The following MEGF10 variants were observed in gnomAD, a reference collection of about 807,000 sequenced individuals.
MEGF10 encodes multiple EGF like domains 10.
MEGF10 carries 86 observed loss-of-function variants against 147.5 expected under a neutral mutation model. The ratio of observed to expected loss-of-function variants is 0.58; its 90% CI spans 0.49 to 0.70. The LOEUF (loss-of-function observed/expected upper bound fraction) is 0.70, where lower values mean the gene tolerates loss of function less well. MEGF10 is among the 30% of genes least tolerant of loss of function. The pLI is 0.00. For synonymous variants in MEGF10, 478 were observed against 525.5 expected (o/e 0.91, Z 1.24); for missense variants, 1,329 against 1,487.3 (o/e 0.89, Z 1.75).
chr5:127,341,624 CAG>C (rs1444362107), intron 4 of MEGF10, among the ~76,000 whole-genome samples: 1 of 152,066 alleles, frequency 6.6e-6, no homozygotes, highest in East Asian at 1.9e-4. Context: ...TGTATGCAGA[CAG>C]GGGCAGCTCC....
intron 5 of MEGF10, among the ~76,000 whole-genome samples, chr5:127,394,599 A>G (rs576799681): frequency 5.9e-4 from 90 of 152,284 alleles, no homozygotes; most frequent in Non-Finnish European, 8.4e-4. Context: ...AAAGGGACAT[A>G]TCATGTAATT....
In MEGF10 at chr5:127,450,354, ATATATATGTG is replaced by A. The variant is rs377310101; in HGVS notation, c.2980+1140_2980+1149del. On this transcript the variant is annotated intron_variant, in intron 22 of 24. Coordinates refer to ENST00000503335, the MANE Select transcript of MEGF10 (RefSeq NM_001256545.2). The stretch of plus-strand genomic sequence containing the variant: ...GACATAGCGAGACTCACCTCTTAAA[ATATATATGTG>A]TATATATAGTTTTGATCTCATAGGC... Among the ~76,000 whole-genome samples the A allele has an allele frequency of 3.3e-3, 496 of 152,310 alleles. 2 individuals are homozygous for A. Among genetic ancestry groups the A allele is most frequent in the African/African-American group, 0.012 (478 of 41,556 alleles).
At chr5:127,265,168 T>C in the MEGF10 span, among the ~76,000 whole-genome samples, 3 of 152,306 alleles carry the variant, frequency 2.0e-5, no homozygotes, top group East Asian at 5.8e-4. Flanking sequence ...ACATGCAGTG[T>C]TTGGTTTTTT....
intron 5 of MEGF10, among the ~76,000 whole-genome samples, chr5:127,394,190 T>C (rs1236336596): frequency 2.0e-5 from 3 of 152,232 alleles, no homozygotes; most frequent in African/African-American, 7.2e-5. Context: ...TTGACAGATA[T>C]TTAATTCAAT....
At chr5:127,255,919 A>G in the MEGF10 span, among the ~76,000 whole-genome samples, 1 of 152,060 alleles carries the variant, frequency 6.6e-6, no homozygotes, top group Non-Finnish European at 1.5e-5. Flanking sequence ...GGAGCACTTT[A>G]TTGAGTAGAT....
chr5:127,301,945 G>T (rs934157130), intron 1 of MEGF10, among the ~76,000 whole-genome samples: 16 of 152,252 alleles, frequency 1.1e-4, no homozygotes, highest in African/African-American at 3.6e-4. Flanking sequence ...CTGATAGAAG[G>T]CATAAACTAT....
chr5:127,376,627 G>A lies in MEGF10; in HGVS notation c.412+6625G>A, dbSNP rs149657817. On this transcript the variant is annotated intron_variant, in intron 5 of 24. Transcript: ENST00000503335. ...GAGAGAGTCTGCTGATATAAAAGGG[G>A]GCAGAAGGGCGGTTACATTGATGAT... Among the ~76,000 whole-genome samples the A allele has an allele frequency of 1.2e-3, 188 of 152,158 alleles. 1 individual carries two copies. Among genetic ancestry groups the A allele is most frequent in the African/African-American group, 4.3e-3 (179 of 41,512 alleles).
chr5:127,392,261 G>A (rs1763729962), intron 5 of MEGF10, among the ~76,000 whole-genome samples: 1 of 152,134 alleles, frequency 6.6e-6, no homozygotes, highest in Non-Finnish European at 1.5e-5. Flanking sequence ...ATAGCAGAGA[G>A]AATCAAGTTC....
chr5:127,447,799 T>C, intron 21 of MEGF10, 115 bp downstream of exon 21: 1 of 1,278,986 alleles, frequency 7.8e-7, no homozygotes, highest in Non-Finnish European at 1.1e-6. Context: ...ACATATATTA[T>C]CTAATTTATT....
intron 2 of MEGF10, 36 bp from the exon 3 acceptor site, chr5:127,339,084 G>A (rs757552642): frequency 2.2e-6 from 3 of 1,390,134 alleles, no homozygotes; most frequent in East Asian, 2.3e-5. Flanking sequence ...TTAAAAAAGA[G>A]AAATACTGAT....
the MEGF10 span, among the ~76,000 whole-genome samples, chr5:127,265,648 AT>A: frequency 6.6e-6 from 1 of 151,938 alleles, no homozygotes; most frequent in Non-Finnish European, 1.5e-5. Context: ...TGTGGTTTTG[AT>A]TTGCATTTCT....
chr5:127,344,901 T>C (rs541355688), intron 4 of MEGF10, among the ~76,000 whole-genome samples: 14 of 152,382 alleles, frequency 9.2e-5, no homozygotes, highest in African/African-American at 3.4e-4. Context: ...TTGTTGTTAC[T>C]GCTGCAGTTT....
In MEGF10 at chr5:127,340,524, C is replaced by G. The variant is rs374277477; in HGVS notation, c.219-6C>G. 3.1e-6 allele frequency: 5 copies of G among 1,610,050 alleles called. No individual in the cohort carries two copies. The highest frequency in any genetic ancestry group is 4.2e-6 in the Non-Finnish European group (5 of 1,176,926). ...TGTTTAATAGCTAATTTTTCCTTCT[C>G]TATAGAGTCAGCTATCGGACAGCCT... On this transcript the variant is annotated splice_region_variant and splice_polypyrimidine_tract_variant and intron_variant, in intron 3 of 24. Coordinates refer to ENST00000503335, the MANE Select transcript of MEGF10 (RefSeq NM_001256545.2).
chr5:127,268,102 A>G, the MEGF10 span, among the ~76,000 whole-genome samples: 35 of 152,264 alleles, frequency 2.3e-4, no homozygotes, highest in African/African-American at 7.9e-4. Flanking sequence ...TGTGTCCCAG[A>G]GATTCTGGTA....
At chr5:127,396,891 C>A (rs1763937632) in intron 6 of MEGF10, 113 bp downstream of exon 6, 22 of 1,468,342 alleles carry the variant, frequency 1.5e-5, no homozygotes, top group Middle Eastern at 2.4e-4. Flanking sequence ...TGAAGAGTTA[C>A]TGATGGGTCT....
the MEGF10 span, among the ~76,000 whole-genome samples, chr5:127,232,081 G>C: frequency 6.6e-6 from 1 of 152,162 alleles, no homozygotes; most frequent in Non-Finnish European, 1.5e-5. Flanking sequence ...AGCAGTTTTT[G>C]GACAACAGTT....
chr5:127,254,431 C>CT, the MEGF10 span, among the ~76,000 whole-genome samples: 3 of 151,994 alleles, frequency 2.0e-5, no homozygotes, highest in African/African-American at 4.8e-5. Flanking sequence ...AATGCAAAAG[C>CT]TTTTTTTATG....
chr5:127,274,014 T>C, the MEGF10 span, among the ~76,000 whole-genome samples: 1 of 152,230 alleles, frequency 6.6e-6, no homozygotes, highest in African/African-American at 2.4e-5. Flanking sequence ...ATTTCCATCA[T>C]TGTAGAAAAT....
chr5:127,351,697 G>A (rs768108338), intron 4 of MEGF10, among the ~76,000 whole-genome samples: 1 of 152,080 alleles, frequency 6.6e-6, no homozygotes, highest in Non-Finnish European at 1.5e-5. Flanking sequence ...TTTGTCACAT[G>A]CTCTCGCCAA....
Sources: allele counts gnomAD v4.1 joint callset (sites outside exome capture counted in the v4.1 genomes callset), GRCh38; gene constraint gnomAD v4.1.1; transcripts MANE v1.5; gene names NCBI Gene and HGNC (gene_info 2026-07-23, HGNC 2026-07-21).